SHC2: variants seen among roughly 807,000 people sequenced by gnomAD.
SHC2 encodes SHC adaptor protein 2.
SHC2 carries 62 observed loss-of-function variants against 60.6 expected under a neutral mutation model. The ratio of observed to expected loss-of-function variants is 1.02; its 90% CI spans 0.83 to 1.26. SHC2 has a LOEUF of 1.26. Ranked by LOEUF, SHC2 falls within the 50% of genes most tolerant of loss-of-function variation. The pLI, the probability that SHC2 is intolerant of heterozygous loss-of-function variation, is 0.00. For synonymous variants in SHC2, 375 were observed against 372.4 expected (o/e 1.01, Z -0.08); for missense variants, 873 against 822.2 (o/e 1.06, Z -0.76).
Position 460,946 on chromosome 19 carries a change from G to A in SHC2, c.51C>T (p.Pro17=). Residue 17 remains proline, a synonymous_variant, in exon 1 of 13, where the codon CCC becomes CCT. Coordinates refer to ENST00000264554, the MANE Select transcript of SHC2 (RefSeq NM_012435.3). Reference sequence around the variant, plus strand: ...AGAAGGTGGTGGGCGCCTCGGGCTCGGGGGGCGCGGGGGGCGCCGGGGGCG... The same window carrying A: ...AGAAGGTGGTGGGCGCCTCGGGCTCAGGGGGCGCGGGGGGCGCCGGGGGCG... The part of the protein sequence containing the change: ...GRAPPAPPAP[P]EPEAPTTFCA... The A allele has an allele frequency of 1.0e-6, 1 of 984,262 alleles. No individual in the cohort carries two copies. Among genetic ancestry groups the A allele is most frequent in the Non-Finnish European group, 1.2e-6 (1 of 829,916 alleles). 61.0% of individuals were successfully genotyped at this position (984,262 alleles called of 1,614,324 possible). A position where few individuals can be genotyped will look rare whatever the true frequency, so the allele number is the denominator to read the frequency against.
chr19:458,868 G>A (rs907443807), intron 1 of SHC2, among the ~76,000 whole-genome samples: 3 of 151,956 alleles, frequency 2.0e-5, no homozygotes, highest in Non-Finnish European at 4.4e-5. Flanking sequence ...GTCCTGGGGA[G>A]GCAGAAGCCG....
intron 7 of SHC2, 78 bp downstream of exon 7, chr19:436,087 C>T: frequency 6.6e-7 from 1 of 1,506,272 alleles, no homozygotes; most frequent in South Asian, 1.2e-5. Context: ...CTGAGGCCTG[C>T]AGGAGGTGGA....
chr19:460,939 C>CGGGCTCGGG lies in SHC2; in HGVS notation c.49_57dup (p.Pro17_Pro19dup), dbSNP rs894989785. On this transcript the variant is annotated inframe_insertion, in exon 1 of 13. Transcript: ENST00000264554. ...AACGCGCAGAAGGTGGTGGGCGCCT[C>CGGGCTCGGG]GGGCTCGGGGGGCGCGGGGGGCGCC... The CGGGCTCGGG allele has an allele frequency of 7.3e-5, 72 of 988,274 alleles. No individual in the cohort carries two copies. Among genetic ancestry groups the CGGGCTCGGG allele is most frequent in the Non-Finnish European group, 8.0e-5 (67 of 833,378 alleles). 61.2% of individuals were successfully genotyped at this position (988,274 alleles called of 1,614,324 possible).
Position 422,443 on chromosome 19 carries a change from A to T in SHC2, c.1323T>A (p.Asp441Glu). Residue 441 changes from aspartate (D) to glutamate (E), a missense_variant, in exon 11 of 13, where the codon GAT becomes GAA. Coordinates refer to ENST00000264554, the MANE Select transcript of SHC2 (RefSeq NM_012435.3). The surrounding 1 kb of genome is among the most constrained non-coding windows in gnomAD (Gnocchi z 5.0). ...CTGAGCACTCATGCAACTTCAGGGC[A>T]TCCTCAAAGGGTCCTGCAGGCCAGG... ...KDLFDMRPFE[D>E]ALKLHECSVA... 1 of 1,560,996 alleles carries T rather than the reference A, an allele frequency of 6.4e-7. No homozygotes were observed. The highest frequency in any genetic ancestry group is 8.7e-7 in the Non-Finnish European group (1 of 1,152,200).
Position 446,472 on chromosome 19 carries a change from G to A in SHC2, c.469-5540C>T, listed in dbSNP as rs564020072. Among the ~76,000 whole-genome samples, 6 of 152,100 alleles carry A rather than the reference G, an allele frequency of 3.9e-5. No homozygotes were observed. The highest frequency in any genetic ancestry group is 1.3e-4 in the Admixed American group (2 of 15,256). On this transcript the variant is annotated intron_variant, in intron 1 of 12. Coordinates refer to ENST00000264554, the MANE Select transcript of SHC2 (RefSeq NM_012435.3). The surrounding 1 kb of genome is among the most constrained non-coding windows in gnomAD (Gnocchi z 5.4). ...ATTACAGGCGCCCACTACCACGCCCGGCTAATTTTTGTATTTTTAGTAGAG... is the reference window on the plus strand; with the variant it reads ...ATTACAGGCGCCCACTACCACGCCCAGCTAATTTTTGTATTTTTAGTAGAG...
chr19:437,523 C>T (rs1247688274), intron 4 of SHC2, among the ~76,000 whole-genome samples: 3 of 152,118 alleles, frequency 2.0e-5, no homozygotes, highest in African/African-American at 7.2e-5. Flanking sequence ...CCCATAGGGA[C>T]CCTCGAGGCT....
intron 1 of SHC2, among the ~76,000 whole-genome samples, chr19:447,645 G>A (rs1463906146): frequency 6.6e-6 from 1 of 152,090 alleles, no homozygotes; most frequent in Admixed American, 6.5e-5. Flanking sequence ...GGGCATGTTG[G>A]CTTATGCCTG....
At position 441,173 on chromosome 19, in the gene SHC2, T is replaced by C. The variant is rs933248494; in HGVS notation, c.469-241A>G. 73 of 984,782 alleles carry C rather than the reference T, an allele frequency of 7.4e-5. No homozygotes were observed. The highest frequency in any genetic ancestry group is 8.6e-5 in the Non-Finnish European group (71 of 829,724). The allele number at this position is 984,782 out of a possible 1,614,324, so 61.0% of individuals were successfully genotyped here. A position where few individuals can be genotyped will look rare whatever the true frequency, so the allele number is the denominator to read the frequency against. ...GTGTTGCTGTTTCTCAGGAGCCTGG[T>C]GGTTCCCCCAGACGCTCTATGCTGC... On this transcript the variant is annotated intron_variant, in intron 1 of 12. Transcript: ENST00000264554. The surrounding 1 kb of genome is among the most constrained non-coding windows in gnomAD (Gnocchi z 4.9).
Position 461,015 on chromosome 19 carries a change from G to C in SHC2, c.-19C>G, listed in dbSNP as rs1975541156. On this transcript the variant is annotated 5_prime_UTR_variant, in exon 1 of 13. Coordinates refer to ENST00000264554, the MANE Select transcript of SHC2 (RefSeq NM_012435.3). Reference sequence around the variant, plus strand: ...GCGTCATGGCCGCGGCCGCCCGACGGAGCCCGACCGGGCGCTGCGCCTGGC... The same window carrying C: ...GCGTCATGGCCGCGGCCGCCCGACGCAGCCCGACCGGGCGCTGCGCCTGGC... 1 of 878,796 alleles carries C rather than the reference G, an allele frequency of 1.1e-6. No homozygotes were observed. Among genetic ancestry groups the C allele is most frequent in the Non-Finnish European group, 1.4e-6 (1 of 732,548 alleles). 54.4% of individuals were successfully genotyped at this position (878,796 alleles called of 1,614,324 possible).
chr19:418,840 C>A, intron 12 of SHC2, 83 bp downstream of exon 12: 1 of 1,466,990 alleles, frequency 6.8e-7, no homozygotes, highest in Non-Finnish European at 9.1e-7. Flanking sequence ...AGGCACGGCA[C>A]GTGAACCGGG....
chr19:454,197 C>A (rs530658413), intron 1 of SHC2, among the ~76,000 whole-genome samples: 1 of 152,374 alleles, frequency 6.6e-6, no homozygotes, highest in South Asian at 2.1e-4. Context: ...ACAGGCCACA[C>A]CTCGAGGCCC....
At position 455,610 on chromosome 19, in the gene SHC2, A is replaced by G. The variant is rs1028428619; in HGVS notation, c.468+4919T>C. Among the ~76,000 whole-genome samples the G allele has an allele frequency of 2.7e-4, 41 of 151,790 alleles. 1 individual carries two copies. Among genetic ancestry groups the G allele is most frequent in the Non-Finnish European group, 5.6e-4 (38 of 67,936 alleles). ...GCCGGCTGAGTCGCCCGGCCCATCC[A>G]CTCCCTCTTGCTGCTATCACCAATC... On this transcript the variant is annotated intron_variant, in intron 1 of 12. Coordinates refer to ENST00000264554, the MANE Select transcript of SHC2 (RefSeq NM_012435.3).
At chr19:457,940 G>A (rs1975395174) in intron 1 of SHC2, among the ~76,000 whole-genome samples, 2 of 152,144 alleles carry the variant, frequency 1.3e-5, no homozygotes, top group South Asian at 2.1e-4. Flanking sequence ...CCCGGGGGAG[G>A]CGGAAGTGGG....
chr19:430,060 C>T (rs1221864990), intron 9 of SHC2, among the ~76,000 whole-genome samples: 1 of 149,490 alleles, frequency 6.7e-6, no homozygotes, highest in East Asian at 2.0e-4. Context: ...AACCTAATAC[C>T]GTGTGGATGA....
At position 438,770 on chromosome 19, in the gene SHC2, G is replaced by A. The variant is rs768836792; in HGVS notation, c.668C>T (p.Ser223Phe). Residue 223 changes from serine to phenylalanine, a missense_variant, in exon 4 of 13, where the codon TCC becomes TTC. Ser to Phe is a radical substitution (Grantham distance 155). Transcript: ENST00000264554. The surrounding 1 kb of genome is among the most constrained non-coding windows in gnomAD (Gnocchi z 5.0). ...GAGGCCATCAGTGGAGATGTGGATG[G>A]AGATGCTCATGCCGGCAAAGCGAAG... ...SNLRFAGMSI[S>F]IHISTDGLSL... The A allele has an allele frequency of 1.3e-6, 2 of 1,575,038 alleles. No individual in the cohort carries two copies. Among genetic ancestry groups the A allele is most frequent in the South Asian group, 2.3e-5 (2 of 85,514 alleles).
At chr19:430,360 G>A (rs1283155345) in intron 9 of SHC2, among the ~76,000 whole-genome samples, 3 of 151,128 alleles carry the variant, frequency 2.0e-5, no homozygotes, top group Non-Finnish European at 4.4e-5. Context: ...ACCTAATACC[G>A]TGTGGAAGAC....
In SHC2 at chr19:425,263, C is replaced by T; in HGVS notation, c.1175-32G>A. 7.6e-7 allele frequency: 1 copy of T among 1,312,402 alleles called. No individual in the cohort carries two copies. Among genetic ancestry groups the T allele is most frequent in the Non-Finnish European group, 9.8e-7 (1 of 1,022,948 alleles). 81.3% of individuals were successfully genotyped at this position (1,312,402 alleles called of 1,614,324 possible). ...AGTGTAAAGAGGGGCAGGGGGTCAG[C>T]TGGGAGCCAGGCGAGGGGCTCGCAG... On this transcript the variant is annotated intron_variant, in intron 9 of 12. Coordinates refer to ENST00000264554, the MANE Select transcript of SHC2 (RefSeq NM_012435.3). This position sits in a 1 kb window ranked among gnomAD's most constrained non-coding sequence, Gnocchi z 4.1.
rs1028751399 is a variant in SHC2, at chr19:422,687, T to C, written c.1310-231A>G. 3.2e-5 allele frequency: 16 copies of C among 502,696 alleles called. No individual in the cohort carries two copies. Among genetic ancestry groups the C allele is most frequent in the Non-Finnish European group, 5.3e-5 (15 of 285,696 alleles). 31.1% of individuals were successfully genotyped at this position (502,696 alleles called of 1,614,324 possible). A position where few individuals can be genotyped will look rare whatever the true frequency, so the allele number is the denominator to read the frequency against. On this transcript the variant is annotated intron_variant, in intron 10 of 12. Coordinates refer to ENST00000264554, the MANE Select transcript of SHC2 (RefSeq NM_012435.3). This position sits in a 1 kb window ranked among gnomAD's most constrained non-coding sequence, Gnocchi z 5.0. Reference sequence around the variant, plus strand: ...CAGGTTGGGTTTTCTAGGCACGTACTAAGCATGTACAAAGGGTAACAGCAG... The same window carrying C: ...CAGGTTGGGTTTTCTAGGCACGTACCAAGCATGTACAAAGGGTAACAGCAG...
At chr19:459,295 G>C (rs112454110) in intron 1 of SHC2, among the ~76,000 whole-genome samples, 1,002 of 59,128 alleles carry the variant, frequency 0.017, 6 homozygotes, top group Middle Eastern at 0.027. Flanking sequence ...CCCCACTGAA[G>C]CCAGCGTAGG....
Sources: allele counts gnomAD v4.1 joint callset (sites outside exome capture counted in the v4.1 genomes callset), GRCh38; gene constraint gnomAD v4.1.1; non-coding constraint Gnocchi (gnomAD v3.1); transcripts MANE v1.5; gene names NCBI Gene and HGNC (gene_info 2026-07-23, HGNC 2026-07-21).